The following TMEM217 variants were observed in gnomAD, a reference collection of about 807,000 sequenced individuals.
The protein encoded by TMEM217 is transmembrane protein 217.
For synonymous variants in TMEM217, 76 were observed against 88.3 expected, an observed-to-expected ratio of 0.86 and a Z score of 0.78; for missense variants, 204 against 248.8, an observed-to-expected ratio of 0.82 and a Z score of 1.21.
At chr6:37,230,749 A>C (rs1176036557) in intron 1 of TMEM217, among the ~76,000 whole-genome samples, 1 of 152,196 alleles carries the variant, frequency 6.6e-6, no homozygotes, top group Non-Finnish European at 1.5e-5. Flanking sequence ...GCCCTAGCAA[A>C]CCAATAAAGG....
At chr6:37,257,939 C>T in exon 1 of TMEM217, 1 of 1,614,072 alleles carries the variant, frequency 6.2e-7, no homozygotes, top group Non-Finnish European at 8.5e-7. Flanking sequence ...GAACAGCAAG[C>T]AGTTTTGGAA....
At chr6:37,223,028 A>T (rs1368516609) in intron 1 of TMEM217, among the ~76,000 whole-genome samples, 1 of 152,244 alleles carries the variant, frequency 6.6e-6, no homozygotes, top group African/African-American at 2.4e-5. Flanking sequence ...GACACAGATT[A>T]AGGAATAATT....
rs549307460 is a variant in TMEM217, at chr6:37,219,844, G to C, written c.-11-803C>G. Reference sequence around the variant, plus strand: ...TCAGACCTGAGTACAGATGTTTCAGGATATAACCAGGGCAGCACAAGAACC... The same window carrying C: ...TCAGACCTGAGTACAGATGTTTCAGCATATAACCAGGGCAGCACAAGAACC... On this transcript the variant is annotated intron_variant, in intron 1 of 1. Transcript: ENST00000357219. Among the ~76,000 whole-genome samples, 275 of 152,264 alleles carry C rather than the reference G, an allele frequency of 1.8e-3. 1 individual carries two copies. The highest frequency in any genetic ancestry group is 2.8e-3 in the Non-Finnish European group (193 of 68,020).
intron 1 of TMEM217, among the ~76,000 whole-genome samples, chr6:37,221,258 C>T (rs1445827729): frequency 2.6e-5 from 4 of 151,886 alleles, no homozygotes; most frequent in Non-Finnish European, 5.9e-5. Context: ...GCAATCTCAG[C>T]TCACTGTAAC....
intron 1 of TMEM217, among the ~76,000 whole-genome samples, chr6:37,225,385 G>T (rs1243414940): frequency 6.6e-6 from 1 of 151,984 alleles, no homozygotes; most frequent in Admixed American, 6.6e-5. Flanking sequence ...AAAAAAACAA[G>T]CTAGTAAATA....
chr6:37,223,175 G>A (rs1006074548), intron 1 of TMEM217, among the ~76,000 whole-genome samples: 3 of 152,024 alleles, frequency 2.0e-5, no homozygotes, highest in African/African-American at 7.3e-5. Context: ...AAAGAGAGAT[G>A]AGACAAAATG....
At chr6:37,228,289 G>T (rs575144141) in intron 1 of TMEM217, among the ~76,000 whole-genome samples, 1 of 152,344 alleles carries the variant, frequency 6.6e-6, no homozygotes, top group East Asian at 1.9e-4. Context: ...TAGCAATTAG[G>T]ACAGTGTCCA....
intron 1 of TMEM217, among the ~76,000 whole-genome samples, chr6:37,233,649 A>G (rs888853255): frequency 2.0e-5 from 3 of 152,170 alleles, no homozygotes; most frequent in Non-Finnish European, 2.9e-5. Context: ...TGAATTTTGG[A>G]GGGACATATA....
Position 37,238,167 on chromosome 6 carries a change from G to GAA in TMEM217, c.-11-19128_-11-19127dup, listed in dbSNP as rs66991206. Among the ~76,000 whole-genome samples the GAA allele has an allele frequency of 3.0e-3, 438 of 148,260 alleles. 1 individual carries two copies. Among genetic ancestry groups the GAA allele is most frequent in the South Asian group, 8.9e-3 (42 of 4,722 alleles). ...TATATAAAGTAGAATTAAAAACACT[G>GAA]AAAAAAAAAAACCAAGGATAGTAAC... On this transcript the variant is annotated intron_variant, in intron 1 of 1. Coordinates refer to ENST00000357219, the Ensembl canonical transcript of TMEM217.
At chr6:37,228,813 C>G (rs1171264516) in intron 1 of TMEM217, among the ~76,000 whole-genome samples, 1 of 151,090 alleles carries the variant, frequency 6.6e-6, no homozygotes, top group Non-Finnish European at 1.5e-5. Context: ...CTGACTAACA[C>G]GGTGAAACCC....
At chr6:37,215,570 CAAAAAAAAAAAAAAAAAA>C (rs34808595), downstream of TMEM217, among the ~76,000 whole-genome samples, 1 of 72,376 alleles carries the variant, frequency 1.4e-5, no homozygotes, top group Non-Finnish European at 2.4e-5. Context: ...GACTCTGTCT[CAAAAAAAAAAAAAAAAAA>C]AAAAAAAAAA....
At chr6:37,223,693 G>C (rs1243118272) in intron 1 of TMEM217, among the ~76,000 whole-genome samples, 1 of 151,998 alleles carries the variant, frequency 6.6e-6, no homozygotes, top group African/African-American at 2.4e-5. Flanking sequence ...ATTTTTAGTA[G>C]AGACGGGGTT....
At chr6:37,216,430 G>A (rs1392542856), downstream of TMEM217, among the ~76,000 whole-genome samples, 1 of 152,142 alleles carries the variant, frequency 6.6e-6, no homozygotes, top group African/African-American at 2.4e-5. Flanking sequence ...CCATGGGTCA[G>A]AAAGGGAGCA....
exon 2 of TMEM217, chr6:37,217,719 C>T: frequency 1.0e-6 from 1 of 985,308 alleles, no homozygotes; most frequent in South Asian, 4.7e-5. Context: ...AGCACAAACC[C>T]ACCCCAGGGC....
At chr6:37,215,273 A>G (rs143020853), downstream of TMEM217, 911 of 1,613,810 alleles carry the variant, frequency 5.6e-4, 6 homozygotes, top group African/African-American at 9.0e-3. Context: ...TAAATATGCT[A>G]GTGTGGAAGC....
chr6:37,243,864 C>T (rs9918429), intron 1 of TMEM217, among the ~76,000 whole-genome samples: 9,996 of 152,180 alleles, frequency 0.066, 1,066 homozygotes, highest in African/African-American at 0.22. Flanking sequence ...TCCTTGTGTG[C>T]TGAGTCTGCC....
In TMEM217 at chr6:37,223,698, G is replaced by C. The variant is rs554486720; in HGVS notation, c.-11-4657C>G. Among the ~76,000 whole-genome samples the C allele has an allele frequency of 6.6e-5, 10 of 152,088 alleles. No homozygotes were observed. In the South Asian group the frequency reaches 1.5e-3, roughly 22 times the overall value. On this transcript the variant is annotated intron_variant, in intron 1 of 1. Coordinates refer to ENST00000357219, the Ensembl canonical transcript of TMEM217. ...TAATTTTTGCATTTTTAGTAGAGACGGGGTTTCACCATGTTGGTCAGGCTG... is the reference window on the plus strand; with the variant it reads ...TAATTTTTGCATTTTTAGTAGAGACCGGGTTTCACCATGTTGGTCAGGCTG...
At chr6:37,239,088 T>C (rs1018053250) in intron 1 of TMEM217, among the ~76,000 whole-genome samples, 5 of 152,188 alleles carry the variant, frequency 3.3e-5, no homozygotes, top group Admixed American at 1.3e-4. Flanking sequence ...GCCGAGATCA[T>C]GCCACTGCAC....
At chr6:37,254,665 A>G (rs192661933) in intron 1 of TMEM217, among the ~76,000 whole-genome samples, 336 of 152,284 alleles carry the variant, frequency 2.2e-3, no homozygotes, top group African/African-American at 7.0e-3. Flanking sequence ...AGAAATATTT[A>G]TATTCTTCCT....
Sources: allele counts gnomAD v4.1 joint callset (sites outside exome capture counted in the v4.1 genomes callset), GRCh38; gene constraint gnomAD v4.1.1; transcripts MANE v1.5; gene names NCBI Gene and HGNC (gene_info 2026-07-23, HGNC 2026-07-21).